The following NBEA variants were observed in gnomAD, a reference collection of about 807,000 sequenced individuals.
NBEA encodes lysosomal-trafficking regulator 2.
A neutral mutation model predicts 343.4 loss-of-function variants in NBEA; 44 were observed. The ratio of observed to expected loss-of-function variants is 0.13; its 90% CI spans 0.10 to 0.16. The LOEUF is 0.16. Among genes scored for constraint, NBEA ranks in the 10% least tolerant of loss-of-function variants. The pLI, the probability that NBEA is intolerant of heterozygous loss-of-function variation, is 1.00. For synonymous variants in NBEA, 1,175 were observed against 1,238.7 expected, an observed-to-expected ratio of 0.95 and a Z score of 1.08; for missense variants, 2,555 against 3,631.3, an observed-to-expected ratio of 0.70 and a Z score of 7.62.
chr13:35,411,347 G>A (rs1275942453), intron 38 of NBEA, among the ~76,000 whole-genome samples: 2 of 152,144 alleles, frequency 1.3e-5, no homozygotes, highest in South Asian at 2.1e-4. Context: ...TGGTTATTAT[G>A]TCCAATTGGT....
At chr13:35,218,225 AG>A (rs2074169594) in intron 33 of NBEA, among the ~76,000 whole-genome samples, 1 of 152,146 alleles carries the variant, frequency 6.6e-6, no homozygotes, top group African/African-American at 2.4e-5. Context: ...TTAGCATGGA[AG>A]GTAATTTTAG....
At chr13:35,539,429 G>C (rs2078704831) in intron 41 of NBEA, among the ~76,000 whole-genome samples, 1 of 152,054 alleles carries the variant, frequency 6.6e-6, no homozygotes, top group African/African-American at 2.4e-5. Flanking sequence ...TTAAGAGCTA[G>C]GAAGAATGCA....
intron 17 of NBEA, among the ~76,000 whole-genome samples, chr13:35,141,742 A>G (rs1186667206): frequency 1.3e-5 from 2 of 152,340 alleles, no homozygotes; most frequent in Non-Finnish European, 2.9e-5. Flanking sequence ...CCATTGGTAG[A>G]CCACAAATAC....
At chr13:35,484,833 A>C (rs1186720092) in intron 41 of NBEA, among the ~76,000 whole-genome samples, 1 of 152,100 alleles carries the variant, frequency 6.6e-6, no homozygotes, top group African/African-American at 2.4e-5. Context: ...ATAATAATAT[A>C]AAACCCCTGT....
At chr13:35,493,415 A>T in intron 41 of NBEA, among the ~76,000 whole-genome samples, 1 of 151,904 alleles carries the variant, frequency 6.6e-6, no homozygotes, top group Non-Finnish European at 1.5e-5. Context: ...ATTTTAAAAG[A>T]CCCTAACATT....
intron 35 of NBEA, among the ~76,000 whole-genome samples, chr13:35,308,448 A>ATATATATATATATATGTC: frequency 8.9e-6 from 1 of 112,628 alleles, no homozygotes; most frequent in Non-Finnish European, 1.7e-5. Flanking sequence ...CTATATATAT[A>ATATATATATATATATGTC]TATATATATA....
At chr13:35,445,399 G>T (rs1013081682) in intron 39 of NBEA, among the ~76,000 whole-genome samples, 1 of 151,598 alleles carries the variant, frequency 6.6e-6, no homozygotes, top group Non-Finnish European at 1.5e-5. Context: ...TTTTAACTTT[G>T]CAATAATCCT....
intron 36 of NBEA, 41 bp from the exon 37 acceptor site, chr13:35,349,067 G>A (rs780598865): frequency 3.4e-6 from 4 of 1,159,962 alleles, no homozygotes; most frequent in Middle Eastern, 2.0e-4. Flanking sequence ...ACTGACCAAA[G>A]CTATTAAGAA....
intron 41 of NBEA, chr13:35,476,316 TGCTGCTGCTGCTGCTG>T: frequency 1.0e-6 from 1 of 989,396 alleles, no homozygotes; most frequent in Non-Finnish European, 1.5e-6. Flanking sequence ...CTGCTGCTGC[TGCTGCTGCTGCTGCTG>T]CTGCTGCTGC....
At chr13:35,519,230 T>A (rs957164491) in intron 41 of NBEA, among the ~76,000 whole-genome samples, 2 of 152,192 alleles carry the variant, frequency 1.3e-5, no homozygotes, top group Admixed American at 1.3e-4. Flanking sequence ...AAGTAAAAAT[T>A]TTCTGTTGGT....
At chr13:35,638,475 C>A (rs1304166743) in intron 49 of NBEA, among the ~76,000 whole-genome samples, 4 of 152,150 alleles carry the variant, frequency 2.6e-5, no homozygotes, top group Admixed American at 6.5e-5. Context: ...CAAAACGGGA[C>A]TTGGCAGAGA....
At chr13:35,504,860 G>T (rs1048488138) in intron 41 of NBEA, among the ~76,000 whole-genome samples, 1 of 151,936 alleles carries the variant, frequency 6.6e-6, no homozygotes, top group Non-Finnish European at 1.5e-5. Context: ...AGTCCTCCCC[G>T]CTTGGCCTCC....
At chr13:35,075,279 C>G (rs1438841068) in intron 10 of NBEA, among the ~76,000 whole-genome samples, 1 of 152,082 alleles carries the variant, frequency 6.6e-6, no homozygotes, top group Admixed American at 6.6e-5. Context: ...AAGTATCTGT[C>G]ATAGCGTCTG....
intron 38 of NBEA, among the ~76,000 whole-genome samples, chr13:35,403,782 G>A: frequency 1.3e-5 from 2 of 152,006 alleles, no homozygotes. Flanking sequence ...AAGAGCTTCT[G>A]CACAGCAAAA....
chr13:35,403,151 A>G (rs1408956759), intron 38 of NBEA, among the ~76,000 whole-genome samples: 1 of 152,012 alleles, frequency 6.6e-6, no homozygotes, highest in Non-Finnish European at 1.5e-5. Flanking sequence ...AAACTGTGAG[A>G]CAGCAATCAC....
At chr13:35,039,345 T>C (rs1381577327) in intron 1 of NBEA, among the ~76,000 whole-genome samples, 2 of 152,160 alleles carry the variant, frequency 1.3e-5, no homozygotes, top group Non-Finnish European at 2.9e-5. Flanking sequence ...GATTTTTAGC[T>C]CTTATGAAGA....
At chr13:35,444,738 A>G (rs2045908282) in intron 39 of NBEA, among the ~76,000 whole-genome samples, 1 of 152,076 alleles carries the variant, frequency 6.6e-6, no homozygotes, top group East Asian at 1.9e-4. Context: ...TTCTTGAGAA[A>G]GCAGTTCTTT....
At chr13:35,381,144 ACTT>A (rs1219330274) in intron 38 of NBEA, among the ~76,000 whole-genome samples, 1 of 152,102 alleles carries the variant, frequency 6.6e-6, no homozygotes, top group East Asian at 1.9e-4. Context: ...CAGACTGTAA[ACTT>A]CTTGACAGTT....
chr13:35,114,298 C>A (rs2066387352), intron 13 of NBEA, among the ~76,000 whole-genome samples: 1 of 152,156 alleles, frequency 6.6e-6, no homozygotes, highest in African/African-American at 2.4e-5. Flanking sequence ...CTCAACCTAG[C>A]CTCAAACTTT....
Sources: allele counts gnomAD v4.1 joint callset (sites outside exome capture counted in the v4.1 genomes callset), GRCh38; gene constraint gnomAD v4.1.1; transcripts MANE v1.5; gene names NCBI Gene and HGNC (gene_info 2026-07-23, HGNC 2026-07-21).